IFI27L1: variants seen among roughly 807,000 people sequenced by gnomAD.
IFI27L1 encodes interferon alpha inducible protein 27 like 1, also known as interferon alpha-inducible protein 27-like protein 1.
Under a neutral mutation model 9.2 loss-of-function variants are expected in IFI27L1, and 3 were observed. The observed-to-expected ratio is 0.32, with a 90% confidence interval of 0.15 to 0.84. IFI27L1 has a LOEUF of 0.84. Among genes scored for constraint, IFI27L1 ranks in the 40% least tolerant of loss-of-function variants. The pLI is 0.56. For missense variants in IFI27L1, 133 were observed against 134.2 expected (o/e 0.99, Z 0.05); for synonymous variants, 53 against 50.0 (o/e 1.06, Z -0.26).
chr14:94,085,471 A>T (rs375259400), intron 1 of IFI27L1, among the ~76,000 whole-genome samples: 5 of 152,322 alleles, frequency 3.3e-5, no homozygotes, highest in African/African-American at 1.2e-4. Flanking sequence ...GTCATCACAC[A>T]TTTCTTTATA....
Position 94,102,505 on chromosome 14 carries a change from A to C in IFI27L1, c.252A>C (p.Lys84Asn). The C allele has an allele frequency of 6.3e-7, 1 of 1,594,468 alleles. No homozygotes were observed. The highest frequency in any genetic ancestry group is 8.5e-7 in the Non-Finnish European group (1 of 1,169,784). The change falls in exon 5 of 5, where the codon AAA (lysine) becomes AAC (asparagine). Residue 84 changes from lysine to asparagine, a missense_variant. Transcript: ENST00000555523. Reference sequence around the variant, plus strand: ...CAGCTGGACTCTCTGTGACATCTAAAGTTATCGGGGGCTTTGCTGGGACAG... The same window carrying C: ...CAGCTGGACTCTCTGTGACATCTAACGTTATCGGGGGCTTTGCTGGGACAG... ...VGAAGLSVTS[K>N]VIGGFAGTAL...
At chr14:94,087,269 T>C (rs567017591) in intron 1 of IFI27L1, among the ~76,000 whole-genome samples, 3 of 152,312 alleles carry the variant, frequency 2.0e-5, no homozygotes, top group Non-Finnish European at 2.9e-5. Context: ...CACGGAAGTA[T>C]TTTTTGTGTA....
intron 2 of IFI27L1, among the ~76,000 whole-genome samples, chr14:94,099,394 G>A (rs1886807488): frequency 6.6e-6 from 1 of 152,138 alleles, no homozygotes; most frequent in Non-Finnish European, 1.5e-5. Context: ...GAGAGGAGGT[G>A]GTGCAGGTTT....
At chr14:94,091,017 G>T (rs148979197) in intron 1 of IFI27L1, among the ~76,000 whole-genome samples, 139 of 152,276 alleles carry the variant, frequency 9.1e-4, no homozygotes, top group African/African-American at 3.1e-3. Flanking sequence ...TCAGGAAAAA[G>T]TCAGAAAGAT....
At position 94,102,580 on chromosome 14, in the gene IFI27L1, A is replaced by G; in HGVS notation, c.*12A>G. The G allele has an allele frequency of 2.7e-6, 4 of 1,488,892 alleles. No homozygotes were observed. The Middle Eastern group carries it at 5.4e-4, about 200-fold the overall frequency. 92.2% of individuals were successfully genotyped at this position (1,488,892 alleles called of 1,614,324 possible). A position where few individuals can be genotyped will look rare whatever the true frequency, so the allele number is the denominator to read the frequency against. The stretch of plus-strand genomic sequence containing the variant: ...CCCCTTCCAGCTGAACACCACACTG[A>G]GGCAGGGAGTTGGCTCTCTTGGTGG... On this transcript the variant is annotated 3_prime_UTR_variant, in exon 5 of 5. Coordinates refer to ENST00000555523, the MANE Select transcript of IFI27L1 (RefSeq NM_206949.3).
chr14:94,092,756 C>T (rs1345501773), intron 1 of IFI27L1, among the ~76,000 whole-genome samples: 1 of 152,124 alleles, frequency 6.6e-6, no homozygotes, highest in African/African-American at 2.4e-5. Flanking sequence ...ATTGTAGCTC[C>T]CATAATTCTG....
chr14:94,087,583 C>T (rs1035909224), intron 1 of IFI27L1, among the ~76,000 whole-genome samples: 33 of 152,180 alleles, frequency 2.2e-4, no homozygotes, highest in African/African-American at 5.8e-4. Flanking sequence ...CTCGCCACCA[C>T]ACCCAGCTAA....
At chr14:94,085,032 A>G (rs536905619) in intron 1 of IFI27L1, among the ~76,000 whole-genome samples, 9 of 152,298 alleles carry the variant, frequency 5.9e-5, no homozygotes, top group South Asian at 4.1e-4. Flanking sequence ...AAGAAACCCT[A>G]TAAGGAATGT....
At chr14:94,082,521 T>G (rs1028748860) in intron 1 of IFI27L1, among the ~76,000 whole-genome samples, 1 of 152,194 alleles carries the variant, frequency 6.6e-6, no homozygotes, top group African/African-American at 2.4e-5. Context: ...GCTAGAGAGG[T>G]CAATGTCTGG....
At chr14:94,101,027 A>G (rs1040787241) in intron 3 of IFI27L1, 7 of 596,270 alleles carry the variant, frequency 1.2e-5, no homozygotes, top group African/African-American at 7.4e-5. Flanking sequence ...ACCCCGGATG[A>G]GTCATTGGAG....
At chr14:94,102,409 C>T (rs901938979) in intron 4 of IFI27L1, 68 bp from the exon 5 acceptor site, 2 of 975,986 alleles carry the variant, frequency 2.0e-6, no homozygotes, top group Non-Finnish European at 3.1e-6. Context: ...GGGTCTCTGG[C>T]CTTCAACCCC....
At chr14:94,084,654 CAA>C (rs1886219774) in intron 1 of IFI27L1, among the ~76,000 whole-genome samples, 1 of 152,154 alleles carries the variant, frequency 6.6e-6, no homozygotes, top group African/African-American at 2.4e-5. Context: ...AAGCGAGAAA[CAA>C]AGACAGTTAT....
intron 2 of IFI27L1, among the ~76,000 whole-genome samples, chr14:94,098,555 G>A (rs978082349): frequency 3.9e-5 from 6 of 152,272 alleles, no homozygotes; most frequent in African/African-American, 1.2e-4. Context: ...ATATCTTTTC[G>A]GGTGATGCAA....
intron 3 of IFI27L1, 21 bp downstream of exon 3, chr14:94,100,792 A>T (rs1886866031): frequency 6.2e-7 from 1 of 1,612,666 alleles, no homozygotes; most frequent in Admixed American, 1.7e-5. Context: ...ATGGGAAGGA[A>T]CTCAAGCCCC....
intron 2 of IFI27L1, among the ~76,000 whole-genome samples, chr14:94,099,804 C>A (rs867494427): frequency 6.6e-6 from 1 of 151,520 alleles, no homozygotes; most frequent in African/African-American, 2.4e-5. Context: ...GGGGGCTGCT[C>A]GCTGTAGGGA....
chr14:94,083,581 C>G (rs1886182286), intron 1 of IFI27L1, among the ~76,000 whole-genome samples: 1 of 152,148 alleles, frequency 6.6e-6, no homozygotes, highest in African/African-American at 2.4e-5. Context: ...TCAGCAACCA[C>G]CACCCTAATC....
chr14:94,087,460 T>C (rs1886317941), intron 1 of IFI27L1, among the ~76,000 whole-genome samples: 1 of 152,244 alleles, frequency 6.6e-6, no homozygotes. Flanking sequence ...GGAGTCTCAC[T>C]CTGTCACGCA....
chr14:94,083,013 C>T (rs1886162937), intron 1 of IFI27L1, among the ~76,000 whole-genome samples: 1 of 152,170 alleles, frequency 6.6e-6, no homozygotes, highest in Admixed American at 6.5e-5. Flanking sequence ...TATTGAAAAC[C>T]TTCTGGAAAG....
intron 1 of IFI27L1, among the ~76,000 whole-genome samples, chr14:94,092,544 A>T (rs998611680): frequency 6.6e-6 from 1 of 152,166 alleles, no homozygotes; most frequent in African/African-American, 2.4e-5. Flanking sequence ...AAAAAACTTT[A>T]CAGACAAATC....
Sources: gnomAD v4.1 joint callset for allele counts (sites outside exome capture counted in the v4.1 genomes callset) on GRCh38, gnomAD v4.1.1 for gene constraint, MANE v1.5 for transcripts, NCBI Gene and HGNC (gene_info 2026-07-23, HGNC 2026-07-21) for gene names.